Variants in SLC6A5 observed in about 807,000 individuals in gnomAD.
SLC6A5 encodes the protein sodium- and chloride-dependent glycine transporter 2.
SLC6A5 carries 58 observed loss-of-function variants against 90.5 expected under a neutral mutation model. The observed-to-expected ratio is 0.64, with a 90% CI of 0.52 to 0.80. The LOEUF is 0.80. SLC6A5 is among the 30% of genes least tolerant of loss of function. SLC6A5 has a pLI of 0.00. For synonymous variants in SLC6A5, 427 were observed against 401.4 expected, an observed-to-expected ratio of 1.06 and a Z score of -0.76; for missense variants, 1,015 against 1,017.6, an observed-to-expected ratio of 1.00 and a Z score of 0.03.
intron 5 of SLC6A5, among the ~76,000 whole-genome samples, chr11:20,609,106 A>G (rs1852646434): frequency 6.6e-6 from 1 of 152,058 alleles, no homozygotes; most frequent in Non-Finnish European, 1.5e-5. Context: ...GAGACATGAA[A>G]GGCAGAGCAA....
At chr11:20,616,039 G>A (rs1388820797) in intron 6 of SLC6A5, among the ~76,000 whole-genome samples, 1 of 152,116 alleles carries the variant, frequency 6.6e-6, no homozygotes, top group East Asian at 1.9e-4. Flanking sequence ...TAGAACATGG[G>A]GATCAAATAA....
chr11:20,621,407 C>T (rs867545482), intron 7 of SLC6A5, among the ~76,000 whole-genome samples: 7 of 152,114 alleles, frequency 4.6e-5, no homozygotes, highest in African/African-American at 1.7e-4. Context: ...CAGTTCTTTC[C>T]ACTGATTTAG....
Position 20,600,335 on chromosome 11 carries a change from G to GGAAGAAGAGGAAGAAGAAGAAGAA in SLC6A5, c.3+668_3+669insGGAAGAAGAAGAAGAAGAAGAAGA, listed in dbSNP as rs1238147135. On this transcript the variant is annotated intron_variant, in intron 1 of 15. Transcript: ENST00000525748. The stretch of plus-strand genomic sequence containing the variant: ...AATAGTTACGCAAAAAAGAAGAAGA[G>GGAAGAAGAGGAAGAAGAAGAAGAA]GAAGAAGAAGAAGAAGAAGAAGAAG... Among the ~76,000 whole-genome samples, 86 of 87,920 alleles carry GGAAGAAGAGGAAGAAGAAGAAGAA rather than the reference G, an allele frequency of 9.8e-4. 1 individual carries two copies. The highest frequency in any genetic ancestry group is 1.3e-3 in the Non-Finnish European group (60 of 45,288). 57.7% of individuals were successfully genotyped at this position (87,920 alleles called of 152,430 possible). A position where few individuals can be genotyped will look rare whatever the true frequency, so the allele number is the denominator to read the frequency against.
chr11:20,618,945 G>C (rs867417921), intron 7 of SLC6A5, among the ~76,000 whole-genome samples: 1 of 148,662 alleles, frequency 6.7e-6, no homozygotes, highest in African/African-American at 2.5e-5. Flanking sequence ...TGTCCCGCCC[G>C]ACACACACAC....
At chr11:20,654,014 A>C (rs529258128) in intron 15 of SLC6A5, among the ~76,000 whole-genome samples, 1 of 152,300 alleles carries the variant, frequency 6.6e-6, no homozygotes, top group South Asian at 2.1e-4. Context: ...AGTCAGAAAT[A>C]TGTTTTCTTT....
intron 13 of SLC6A5, among the ~76,000 whole-genome samples, chr11:20,643,224 T>C (rs1226955518): frequency 1.5e-5 from 2 of 136,284 alleles, no homozygotes; most frequent in Non-Finnish European, 3.4e-5. Context: ...AGAATCTCTC[T>C]CTCTTTTTTT....
At chr11:20,623,010 G>A (rs756205734) in intron 7 of SLC6A5, among the ~76,000 whole-genome samples, 1 of 152,196 alleles carries the variant, frequency 6.6e-6, no homozygotes, top group Non-Finnish European at 1.5e-5. Context: ...GTGTGGAAGG[G>A]CTTCACTTCT....
chr11:20,640,819 A>G (rs1020302309), intron 13 of SLC6A5, among the ~76,000 whole-genome samples: 1 of 152,172 alleles, frequency 6.6e-6, no homozygotes, highest in African/African-American at 2.4e-5. Flanking sequence ...AAAATAGTGG[A>G]ACATAAACCT....
rs974786812 is a variant in SLC6A5 at position 20,606,930 on chromosome 11, C to A, written c.680-77C>A. Reference sequence around the variant, plus strand: ...TTAGTTCTTTGAGAGGGAGCTCAGCCCCTAGCCCAGAGGGTTAAGGAGGGC... The same window carrying A: ...TTAGTTCTTTGAGAGGGAGCTCAGCACCTAGCCCAGAGGGTTAAGGAGGGC... On this transcript the variant is annotated intron_variant, in intron 3 of 15. Transcript: ENST00000525748. 103 of 1,592,816 alleles carry A rather than the reference C, an allele frequency of 6.5e-5. No homozygotes were observed. The East Asian group carries it at 2.1e-3, about 33-fold the overall frequency.
rs1853638379 is a variant in SLC6A5, at chr11:20,656,497, G to A, written c.*1629G>A. ...TAACAGCAATGAAACCCAACAACAG[G>A]CTTTAATGTACATTTTTTTTTAAAA... On this transcript the variant is annotated 3_prime_UTR_variant, in exon 16 of 16. Transcript: ENST00000525748. The A allele has an allele frequency of 6.6e-6, 1 of 152,124 alleles. No individual in the cohort carries two copies. Among genetic ancestry groups the A allele is most frequent in the African/African-American group, 2.4e-5 (1 of 41,506 alleles). 9.4% of individuals were successfully genotyped at this position (152,124 alleles called of 1,614,324 possible). A position where few individuals can be genotyped will look rare whatever the true frequency, so the allele number is the denominator to read the frequency against.
Position 20,604,411 on chromosome 11 carries a change from C to T in SLC6A5, c.666C>T (p.Phe222=). ...TCTGGAGGTTTCCCTACCTGGCCTT[C>T]CAGAACGGGGGAGGTATGGCTTTTC... ...GNVWRFPYLA[F]QNGGGAFLIP... Residue 222 remains phenylalanine (F), a synonymous_variant, in exon 3 of 16, where the codon TTC becomes TTT. Coordinates refer to ENST00000525748, the MANE Select transcript of SLC6A5 (RefSeq NM_004211.5). The T allele has an allele frequency of 1.2e-6, 2 of 1,613,934 alleles. No individual in the cohort carries two copies. The highest frequency in any genetic ancestry group is 1.3e-5 in the African/African-American group (1 of 75,058).
At chr11:20,601,759 G>C (rs1852485253) in intron 2 of SLC6A5, 94 bp downstream of exon 2, 19 of 1,363,678 alleles carry the variant, frequency 1.4e-5, no homozygotes, top group Non-Finnish European at 1.8e-5. Flanking sequence ...TATGCTGATG[G>C]GGAAACCGGT....
rs1203001286 is a variant in SLC6A5 at position 20,655,326 on chromosome 11, G to T, written c.*458G>T. The T allele has an allele frequency of 2.7e-5, 5 of 183,672 alleles. No individual in the cohort carries two copies. In the South Asian group the frequency reaches 3.3e-4, roughly 12 times the overall value. 11.4% of individuals were successfully genotyped at this position (183,672 alleles called of 1,614,324 possible). A position where few individuals can be genotyped will look rare whatever the true frequency, so the allele number is the denominator to read the frequency against. ...TTCAGACACACAAAGTTCAAGACAG[G>T]TTTTTTTTTTTTTCAGAGAGTTAGC... On this transcript the variant is annotated 3_prime_UTR_variant, in exon 16 of 16. Transcript: ENST00000525748.
chr11:20,640,287 G>A (rs1191763148), intron 13 of SLC6A5, among the ~76,000 whole-genome samples: 1 of 152,176 alleles, frequency 6.6e-6, no homozygotes, highest in Non-Finnish European at 1.5e-5. Flanking sequence ...GCCACAAAGG[G>A]CACGTTTGCA....
At chr11:20,646,801 C>T (rs766103094) in intron 13 of SLC6A5, 33 bp from the exon 14 acceptor site, 2 of 1,461,196 alleles carry the variant, frequency 1.4e-6, no homozygotes, top group African/African-American at 2.8e-5. Context: ...TGCTACTGTG[C>T]CTTATACCTG....
At chr11:20,619,341 A>G (rs931770068) in intron 7 of SLC6A5, among the ~76,000 whole-genome samples, 2 of 152,196 alleles carry the variant, frequency 1.3e-5, no homozygotes, top group African/African-American at 4.8e-5. Context: ...GGGGACATGG[A>G]CATTTTTGAT....
rs1852756084 is a variant in SLC6A5 at position 20,614,828 on chromosome 11, G to T, written c.1127+8G>T. ...AAGTGAAGAGTACTTCAAGTAAGAT[G>T]ACTTTCTTTTTCCTTTTTTACCTTC... On this transcript the variant is annotated splice_region_variant and intron_variant, in intron 6 of 15. Transcript: ENST00000525748. 6.2e-7 allele frequency: 1 copy of T among 1,611,654 alleles called. No individual in the cohort carries two copies. Among genetic ancestry groups the T allele is most frequent in the African/African-American group, 1.3e-5 (1 of 74,886 alleles).
At chr11:20,600,389 A>AGAAGAAGAAGAG (rs1565269054) in intron 1 of SLC6A5, among the ~76,000 whole-genome samples, 2 of 148,992 alleles carry the variant, frequency 1.3e-5, no homozygotes, top group African/African-American at 5.0e-5. Flanking sequence ...AAGAAGAAGA[A>AGAAGAAGAAGAG]GAAGAAGAAG....
chr11:20,638,384 CTGGCTGT>C, intron 12 of SLC6A5, 68 bp from the exon 13 acceptor site: 2 of 885,362 alleles, frequency 2.3e-6, no homozygotes, highest in Non-Finnish European at 3.9e-6. Flanking sequence ...ATTGAGAGAA[CTGGCTGT>C]TAAACGTGGG....
Sources: gnomAD v4.1 joint callset for allele counts (sites outside exome capture counted in the v4.1 genomes callset) on GRCh38, gnomAD v4.1.1 for gene constraint, MANE v1.5 for transcripts, NCBI Gene and HGNC (gene_info 2026-07-23, HGNC 2026-07-21) for gene names.